Variants in USP32 observed in about 807,000 individuals in gnomAD.
USP32 encodes the protein ubiquitin carboxyl-terminal hydrolase 32.
In USP32, 59 loss-of-function variants were observed where a neutral mutation model predicts 204.8. That is an observed-to-expected ratio of 0.29 (90% CI 0.23 to 0.36). USP32 has a LOEUF of 0.36. Among genes scored for constraint, USP32 ranks in the 10% least tolerant of loss-of-function variants. USP32 has a pLI of 1.00. For missense variants in USP32, 1,160 were observed against 1,946.4 expected (o/e 0.60, Z 7.60); for synonymous variants, 517 against 678.4 (o/e 0.76, Z 3.70).
At chr17:60,332,803 A>G (rs936655530) in intron 2 of USP32, among the ~76,000 whole-genome samples, 2 of 152,058 alleles carry the variant, frequency 1.3e-5, no homozygotes, top group African/African-American at 4.8e-5. Flanking sequence ...CATGCATGCT[A>G]TTTTTTCCTG....
At chr17:60,387,463 C>T (rs1321386392) in intron 1 of USP32, among the ~76,000 whole-genome samples, 2 of 152,224 alleles carry the variant, frequency 1.3e-5, no homozygotes, top group African/African-American at 4.8e-5. Flanking sequence ...GACACCCATA[C>T]ACACTCTGTA....
chr17:60,209,302 G>A (rs2084903230), intron 22 of USP32, 68 bp downstream of exon 22: 2 of 726,866 alleles, frequency 2.8e-6, no homozygotes, highest in Non-Finnish European at 4.2e-6. Flanking sequence ...CATTTAAGTT[G>A]TGCTACATGT....
At chr17:60,360,008 C>T (rs184382023) in intron 1 of USP32, among the ~76,000 whole-genome samples, 1 of 151,912 alleles carries the variant, frequency 6.6e-6, no homozygotes, top group South Asian at 2.1e-4. Flanking sequence ...GCTGGGACTA[C>T]AGGCGCCCAC....
At chr17:60,413,980 A>T (rs1454735188) in intron 1 of USP32, among the ~76,000 whole-genome samples, 1 of 151,926 alleles carries the variant, frequency 6.6e-6, no homozygotes, top group African/African-American at 2.4e-5. Context: ...GTTTGGGAAC[A>T]GTCCTCTGTT....
intron 26 of USP32, among the ~76,000 whole-genome samples, chr17:60,199,475 T>A (rs2084618377): frequency 6.6e-6 from 1 of 152,180 alleles, no homozygotes; most frequent in Non-Finnish European, 1.5e-5. Flanking sequence ...TATAATGGAA[T>A]GGTTGGTGGG....
At chr17:60,243,451 A>G (rs1173371294) in intron 11 of USP32, among the ~76,000 whole-genome samples, 1 of 152,206 alleles carries the variant, frequency 6.6e-6, no homozygotes, top group Non-Finnish European at 1.5e-5. Context: ...AAAAGCCTTC[A>G]GTGTTCTACC....
Position 60,234,454 on chromosome 17 carries a change from G to A in USP32, c.1239+1684C>T, listed in dbSNP as rs535503277. ...AAAAAAAAATTTTTTTGGACCGGGC[G>A]TGGTGGTTCACGCCTGTAATCCCAG... On this transcript the variant is annotated intron_variant, in intron 12 of 33. Transcript: ENST00000300896. 5.9e-5 allele frequency among the ~76,000 whole-genome samples: 9 copies of A among 151,516 alleles called. 1 individual carries two copies. The South Asian group carries it at 1.9e-3, about 32-fold the overall frequency.
In USP32 at chr17:60,384,741, G is replaced by A. The variant is rs569923901; in HGVS notation, c.58+7141C>T. Among the ~76,000 whole-genome samples, 19 of 151,390 alleles carry A rather than the reference G, an allele frequency of 1.3e-4. No homozygotes were observed. In the South Asian group the frequency reaches 2.1e-3, roughly 17 times the overall value. On this transcript the variant is annotated intron_variant, in intron 1 of 33. Transcript: ENST00000300896. ...CGGGAGGCGGAGGTTGCAGTGAGCC[G>A]AGACTGTGCCATTGCACTCCAGCCT...
intron 1 of USP32, among the ~76,000 whole-genome samples, chr17:60,381,440 C>CA (rs397784557): frequency 0.2 from 19,305 of 98,906 alleles, 2,675 homozygotes; most frequent in African/African-American, 0.41. Context: ...GACCCTGTCT[C>CA]AAAAAAAAAA....
chr17:60,366,137 C>T (rs576884858), intron 1 of USP32, among the ~76,000 whole-genome samples: 11 of 151,620 alleles, frequency 7.3e-5, no homozygotes, highest in East Asian at 1.9e-4. Context: ...GACACCACGC[C>T]GGGCTAAGTT....
chr17:60,252,555 G>T, intron 10 of USP32, 113 bp from the exon 11 acceptor site: 1 of 731,524 alleles, frequency 1.4e-6, no homozygotes, highest in South Asian at 2.4e-5. Context: ...TTCAACTCAT[G>T]AATTATCAAT....
chr17:60,360,427 G>A (rs939814180), intron 1 of USP32, among the ~76,000 whole-genome samples: 2 of 152,162 alleles, frequency 1.3e-5, no homozygotes, highest in African/African-American at 2.4e-5. Context: ...GGGAGGCCAA[G>A]GTGGGTGGAT....
intron 12 of USP32, among the ~76,000 whole-genome samples, chr17:60,232,897 T>A (rs530860216): frequency 5.3e-5 from 8 of 152,296 alleles, no homozygotes; most frequent in African/African-American, 1.9e-4. Flanking sequence ...ACTACCACCA[T>A]TATTACCTTT....
chr17:60,225,651 C>G (rs917967482), intron 13 of USP32, among the ~76,000 whole-genome samples: 1 of 151,682 alleles, frequency 6.6e-6, no homozygotes, highest in Non-Finnish European at 1.5e-5. Context: ...ATTAGACTGC[C>G]TTAATAACTA....
chr17:60,198,222 T>C, intron 27 of USP32, 38 bp downstream of exon 27: 1 of 1,596,806 alleles, frequency 6.3e-7, no homozygotes. Context: ...TTTCTAGAGT[T>C]TGGAAACCAC....
intron 21 of USP32, among the ~76,000 whole-genome samples, chr17:60,210,039 A>C (rs1398869343): frequency 6.6e-6 from 1 of 152,068 alleles, no homozygotes; most frequent in Non-Finnish European, 1.5e-5. Flanking sequence ...TGTTGTCTTC[A>C]ACAATTACAT....
At chr17:60,206,076 T>C (rs953990697) in intron 25 of USP32, among the ~76,000 whole-genome samples, 3 of 151,558 alleles carry the variant, frequency 2.0e-5, no homozygotes, top group African/African-American at 7.3e-5. Flanking sequence ...TCCTAGCACT[T>C]TGGGAGGCTG....
chr17:60,373,743 C>A (rs1312196540), intron 1 of USP32, among the ~76,000 whole-genome samples: 1 of 152,088 alleles, frequency 6.6e-6, no homozygotes, highest in Non-Finnish European at 1.5e-5. Flanking sequence ...AGCCACCATG[C>A]CCAGCCAGCT....
chr17:60,398,343 C>T (rs944144944), intron 1 of USP32, among the ~76,000 whole-genome samples: 4 of 152,082 alleles, frequency 2.6e-5, no homozygotes, highest in Admixed American at 6.5e-5. Context: ...TACAGTTACC[C>T]ATGACTGCGT....
Sources: allele counts gnomAD v4.1 joint callset (sites outside exome capture counted in the v4.1 genomes callset), GRCh38; gene constraint gnomAD v4.1.1; transcripts MANE v1.5; gene names NCBI Gene and HGNC (gene_info 2026-07-23, HGNC 2026-07-21).